Variants in MDGA2 observed in about 807,000 individuals in gnomAD.
MDGA2 encodes the protein MAM domain-containing glycosylphosphatidylinositol anchor protein 2.
A neutral mutation model predicts 117.8 loss-of-function variants in MDGA2; 40 were observed. The ratio of observed to expected loss-of-function variants is 0.34; its 90% CI spans 0.26 to 0.44. The LOEUF (loss-of-function observed/expected upper bound fraction) is 0.44, where lower values mean the gene tolerates loss of function less well. MDGA2 is among the 20% of genes least tolerant of loss of function. The pLI is 1.00. For synonymous variants in MDGA2, 452 were observed against 439.0 expected (o/e 1.03, Z -0.37); for missense variants, 1,123 against 1,250.6 (o/e 0.90, Z 1.54).
chr14:47,663,731 T>C (rs925337014), intron 1 of MDGA2, among the ~76,000 whole-genome samples: 2 of 152,198 alleles, frequency 1.3e-5, no homozygotes, highest in African/African-American at 2.4e-5. Context: ...AATTGTGTGA[T>C]GACCCCATTT....
At position 47,102,402 on chromosome 14, in the gene MDGA2, C is replaced by T. The variant is rs575016612; in HGVS notation, c.926-5279G>A. On this transcript the variant is annotated intron_variant, in intron 5 of 16. Coordinates refer to ENST00000399232, the MANE Select transcript of MDGA2 (RefSeq NM_001113498.3). The stretch of plus-strand genomic sequence containing the variant: ...ACACACACACACACACAAACACACA[C>T]ACACACACACAAACTAACTAAATAA... 1.3e-4 allele frequency among the ~76,000 whole-genome samples: 19 copies of T among 150,930 alleles called. No individual in the cohort carries two copies. The South Asian group carries it at 4.0e-3, about 31-fold the overall frequency.
chr14:46,928,922 T>C (rs1884433032), intron 9 of MDGA2, among the ~76,000 whole-genome samples: 1 of 152,138 alleles, frequency 6.6e-6, no homozygotes, highest in Non-Finnish European at 1.5e-5. Flanking sequence ...GATTTAGACA[T>C]AATATAGTTG....
chr14:47,415,844 G>A (rs1416085413), intron 1 of MDGA2, among the ~76,000 whole-genome samples: 2 of 152,148 alleles, frequency 1.3e-5, no homozygotes, highest in Non-Finnish European at 2.9e-5. Flanking sequence ...TGGGAGGATT[G>A]AGGGACCTCT....
rs748148650 is a variant in MDGA2 at position 46,874,025 on chromosome 14, A to C, written c.2593+20T>G. The C allele has an allele frequency of 1.1e-5, 17 of 1,517,028 alleles. 1 individual carries two copies. The South Asian group carries it at 2.1e-4, about 18-fold the overall frequency. 94.0% of individuals were successfully genotyped at this position (1,517,028 alleles called of 1,614,324 possible). Reference sequence around the variant, plus strand: ...AAAAGTCTCTGATTGCTATGAACACAAAAGGTCATACCCCCATACCTTCTT... The same window carrying C: ...AAAAGTCTCTGATTGCTATGAACACCAAAGGTCATACCCCCATACCTTCTT... On this transcript the variant is annotated intron_variant, in intron 13 of 16. Coordinates refer to ENST00000399232, the MANE Select transcript of MDGA2 (RefSeq NM_001113498.3).
At position 47,287,148 on chromosome 14, in the gene MDGA2, T is replaced by TA. The variant is rs550715174; in HGVS notation, c.420+14262dup. Among the ~76,000 whole-genome samples the TA allele has an allele frequency of 2.2e-4, 33 of 152,168 alleles. No individual in the cohort carries two copies. In the South Asian group the frequency reaches 6.4e-3, roughly 30 times the overall value. On this transcript the variant is annotated intron_variant, in intron 2 of 16. Coordinates refer to ENST00000399232, the MANE Select transcript of MDGA2 (RefSeq NM_001113498.3). ...GCTAGAAAGTGGAGACAGTAGAATT[T>TA]AAAACCATGCTGTTTGACTCCAAAG...
At chr14:47,187,667 A>AT (rs892047586) in intron 3 of MDGA2, among the ~76,000 whole-genome samples, 1 of 152,020 alleles carries the variant, frequency 6.6e-6, no homozygotes, top group African/African-American at 2.4e-5. Context: ...AAAGTTTTGG[A>AT]TTTTTTGGCT....
intron 2 of MDGA2, among the ~76,000 whole-genome samples, chr14:47,297,672 C>A (rs1214898979): frequency 1.3e-5 from 2 of 152,098 alleles, no homozygotes; most frequent in African/African-American, 2.4e-5. Context: ...TTGTAATAAA[C>A]CCTCATTAAA....
At chr14:46,911,846 A>G (rs1883717166) in intron 10 of MDGA2, among the ~76,000 whole-genome samples, 5 of 152,204 alleles carry the variant, frequency 3.3e-5, no homozygotes. Flanking sequence ...CAAACAAGGA[A>G]GATAATTATT....
chr14:46,854,598 A>G (rs999578913), intron 15 of MDGA2, among the ~76,000 whole-genome samples: 3 of 151,792 alleles, frequency 2.0e-5, no homozygotes, highest in African/African-American at 4.8e-5. Context: ...AATTACTGAT[A>G]TGGCATTAAA....
chr14:47,499,892 C>T (rs553298916), intron 1 of MDGA2, among the ~76,000 whole-genome samples: 1 of 152,060 alleles, frequency 6.6e-6, no homozygotes, highest in South Asian at 2.1e-4. Context: ...AGGCATTTAT[C>T]TTTGTCCAGA....
chr14:47,224,675 C>T (rs1211000425), intron 2 of MDGA2, among the ~76,000 whole-genome samples: 1 of 152,154 alleles, frequency 6.6e-6, no homozygotes, highest in Non-Finnish European at 1.5e-5. Flanking sequence ...AAAAAAATTA[C>T]ATAAACATCA....
chr14:47,100,707 A>G (rs1880256548), intron 5 of MDGA2, among the ~76,000 whole-genome samples: 1 of 152,216 alleles, frequency 6.6e-6, no homozygotes, highest in African/African-American at 2.4e-5. Context: ...ACCAAAATGA[A>G]AAATGAAAAA....
At chr14:47,108,665 ACT>A (rs1287962058) in intron 5 of MDGA2, among the ~76,000 whole-genome samples, 17 of 151,776 alleles carry the variant, frequency 1.1e-4, no homozygotes, top group Middle Eastern at 3.2e-3. Context: ...CCCTTCGCTG[ACT>A]CTCTTTTCGG....
At chr14:47,391,073 T>C (rs1333395403) in intron 1 of MDGA2, among the ~76,000 whole-genome samples, 2 of 152,152 alleles carry the variant, frequency 1.3e-5, no homozygotes, top group African/African-American at 4.8e-5. Context: ...TTTAAGGTGC[T>C]GTTCTCTCTG....
chr14:47,031,229 T>TATAC (rs1888655319), intron 8 of MDGA2, among the ~76,000 whole-genome samples: 2 of 148,686 alleles, frequency 1.3e-5, no homozygotes, highest in African/African-American at 4.9e-5. Context: ...TATATATATA[T>TATAC]ACACACACAC....
intron 1 of MDGA2, among the ~76,000 whole-genome samples, chr14:47,305,789 T>C (rs1225527722): frequency 2.6e-5 from 4 of 152,146 alleles, no homozygotes; most frequent in African/African-American, 9.7e-5. Context: ...GATAATTGAA[T>C]AGGATAGACA....
At chr14:46,903,211 A>G (rs1883358140) in intron 10 of MDGA2, among the ~76,000 whole-genome samples, 1 of 152,122 alleles carries the variant, frequency 6.6e-6, no homozygotes, top group Non-Finnish European at 1.5e-5. Context: ...CACATGCCTA[A>G]CTTTTCCTGG....
chr14:47,144,571 CA>C (rs1447706141), intron 3 of MDGA2, among the ~76,000 whole-genome samples: 1 of 151,954 alleles, frequency 6.6e-6, no homozygotes, highest in African/African-American at 2.4e-5. Flanking sequence ...TTACAACACT[CA>C]AATTCAAGAG....
intron 1 of MDGA2, among the ~76,000 whole-genome samples, chr14:47,599,368 G>A (rs1896604930): frequency 6.6e-6 from 1 of 151,342 alleles, no homozygotes; most frequent in East Asian, 1.9e-4. Context: ...GATAATTACT[G>A]ATGTATACTT....
Sources: gnomAD v4.1 joint callset for allele counts (sites outside exome capture counted in the v4.1 genomes callset) on GRCh38, gnomAD v4.1.1 for gene constraint, MANE v1.5 for transcripts, NCBI Gene and HGNC (gene_info 2026-07-23, HGNC 2026-07-21) for gene names.